Variants in TCERG1L observed in about 807,000 individuals in gnomAD.
The protein encoded by TCERG1L is transcription elongation regulator 1-like protein.
Under a neutral mutation model 56.3 loss-of-function variants are expected in TCERG1L, and 37 were observed. The ratio of observed to expected loss-of-function variants is 0.66; its 90% CI spans 0.51 to 0.87. TCERG1L has a LOEUF of 0.87. Among genes scored for constraint, TCERG1L ranks in the 40% least tolerant of loss-of-function variants. TCERG1L has a pLI of 0.00. For synonymous variants in TCERG1L, 324 were observed against 326.3 expected, an observed-to-expected ratio of 0.99 and a Z score of 0.08; for missense variants, 799 against 774.2, an observed-to-expected ratio of 1.03 and a Z score of -0.38.
At chr10:131,211,716 G>T in intron 4 of TCERG1L, among the ~76,000 whole-genome samples, 1 of 152,284 alleles carries the variant, frequency 6.6e-6, no homozygotes, top group East Asian at 1.9e-4. Context: ...GGAAAGAAGC[G>T]GCTGGGCGGT....
At chr10:131,133,112 T>A (rs1211727583) in intron 8 of TCERG1L, among the ~76,000 whole-genome samples, 1 of 152,182 alleles carries the variant, frequency 6.6e-6, no homozygotes, top group East Asian at 1.9e-4. Flanking sequence ...CATGGCTCCA[T>A]CGGCACCCAG....
intron 4 of TCERG1L, among the ~76,000 whole-genome samples, chr10:131,205,891 G>A (rs1845518441): frequency 6.6e-6 from 1 of 152,210 alleles, no homozygotes; most frequent in Non-Finnish European, 1.5e-5. Context: ...ACAGAGGGCC[G>A]AGGTGGTGAC....
At chr10:131,302,627 A>ATTT (rs559944571) in intron 3 of TCERG1L, among the ~76,000 whole-genome samples, 32 of 135,874 alleles carry the variant, frequency 2.4e-4, no homozygotes, top group Non-Finnish European at 4.1e-4. Context: ...TTTTTTCTCA[A>ATTT]TTTTTTTTTT....
intron 5 of TCERG1L, among the ~76,000 whole-genome samples, chr10:131,165,838 G>A (rs1484589605): frequency 2.0e-5 from 3 of 152,154 alleles, no homozygotes; most frequent in Admixed American, 6.6e-5. Flanking sequence ...TGATAAAAAC[G>A]GCTAATCATG....
chr10:131,213,598 C>T (rs1845639042), intron 4 of TCERG1L, among the ~76,000 whole-genome samples: 1 of 152,216 alleles, frequency 6.6e-6, no homozygotes, highest in South Asian at 2.1e-4. Flanking sequence ...ATGGGGACAA[C>T]CCAAGCTATC....
At chr10:131,199,496 C>T (rs1054835966) in intron 4 of TCERG1L, among the ~76,000 whole-genome samples, 54 of 152,150 alleles carry the variant, frequency 3.5e-4, no homozygotes, top group Non-Finnish European at 1.3e-4. Context: ...CAGTTCTTGG[C>T]CACATTATAA....
Position 131,240,367 on chromosome 10 carries a change from G to A in TCERG1L, c.856+19892C>T, listed in dbSNP as rs560102443. On this transcript the variant is annotated intron_variant, in intron 4 of 11. Transcript: ENST00000368642. The stretch of plus-strand genomic sequence containing the variant: ...CCCGTTCATTCGTTCATGCATGCAT[G>A]TATTGGGTACGCTTTATGGAGCTGA... Among the ~76,000 whole-genome samples the A allele has an allele frequency of 7.9e-5, 12 of 152,140 alleles. No homozygotes were observed. The East Asian group carries it at 1.9e-3, about 25-fold the overall frequency.
rs1311058778 is a variant in TCERG1L at position 131,260,792 on chromosome 10, A to T, written c.671-348T>A. Among the ~76,000 whole-genome samples the T allele has an allele frequency of 6.6e-6, 1 of 152,168 alleles. No individual in the cohort carries two copies. The highest frequency in any genetic ancestry group is 1.5e-5 in the Non-Finnish European group (1 of 68,034). On this transcript the variant is annotated intron_variant, in intron 3 of 11. Transcript: ENST00000368642. The surrounding 1 kb of genome is among the most constrained non-coding windows in gnomAD (Gnocchi z 5.8). ...GTTAAGTACCTAATCAGAAGTGACC[A>T]TGAACAGCACTCAGTGATTTGGAGC...
intron 4 of TCERG1L, among the ~76,000 whole-genome samples, chr10:131,241,174 C>T (rs759841756): frequency 6.7e-5 from 10 of 149,410 alleles, no homozygotes; most frequent in East Asian, 2.0e-4. Context: ...GCCGCCCGCA[C>T]GCAGAATGGG....
At chr10:131,158,309 G>A (rs998022403) in intron 6 of TCERG1L, among the ~76,000 whole-genome samples, 1 of 152,204 alleles carries the variant, frequency 6.6e-6, no homozygotes, top group African/African-American at 2.4e-5. Context: ...AAAAATGCTG[G>A]AGGAGTTTCA....
intron 4 of TCERG1L, among the ~76,000 whole-genome samples, chr10:131,238,999 G>A (rs1435039819): frequency 1.3e-5 from 2 of 152,044 alleles, no homozygotes; most frequent in East Asian, 1.9e-4. Flanking sequence ...CTTAAACTCC[G>A]AGAACATAAA....
At chr10:131,108,445 C>T (rs933622456) in intron 9 of TCERG1L, among the ~76,000 whole-genome samples, 2 of 76,940 alleles carry the variant, frequency 2.6e-5, no homozygotes, top group African/African-American at 4.6e-5. Flanking sequence ...GGGGAATAAA[C>T]GCACTTCAGA....
At chr10:131,245,020 G>A (rs1846015923) in intron 4 of TCERG1L, among the ~76,000 whole-genome samples, 1 of 152,208 alleles carries the variant, frequency 6.6e-6, no homozygotes, top group Admixed American at 6.5e-5. Context: ...GCACAGGGGA[G>A]TGGGGGAGCC....
chr10:131,151,504 G>C (rs943167083), intron 6 of TCERG1L, among the ~76,000 whole-genome samples: 2 of 152,176 alleles, frequency 1.3e-5, no homozygotes, highest in Non-Finnish European at 2.9e-5. Flanking sequence ...TGCAAGAGGC[G>C]TGCTCCCTCA....
chr10:131,248,899 A>G (rs545812404), intron 4 of TCERG1L, among the ~76,000 whole-genome samples: 3 of 152,318 alleles, frequency 2.0e-5, no homozygotes, highest in African/African-American at 7.2e-5. Context: ...GGGGGTGCCC[A>G]GCCCTCCAGG....
chr10:131,303,897 AGTTG>A, intron 3 of TCERG1L, among the ~76,000 whole-genome samples: 1 of 152,170 alleles, frequency 6.6e-6, no homozygotes, highest in East Asian at 1.9e-4. Flanking sequence ...GATAGGCAAA[AGTTG>A]TTTTGCCTAA....
At chr10:131,139,637 T>C (rs1845712479) in intron 7 of TCERG1L, among the ~76,000 whole-genome samples, 1 of 152,186 alleles carries the variant, frequency 6.6e-6, no homozygotes, top group Non-Finnish European at 1.5e-5. Context: ...ATGTTTTAAA[T>C]GTATTGTTTT....
chr10:131,208,975 G>A (rs185320670), intron 4 of TCERG1L, among the ~76,000 whole-genome samples: 273 of 151,416 alleles, frequency 1.8e-3, no homozygotes, highest in African/African-American at 6.4e-3. Flanking sequence ...GGAGAATGGC[G>A]TGAACCCGGG....
intron 4 of TCERG1L, among the ~76,000 whole-genome samples, chr10:131,235,273 A>G (rs572108564): frequency 2.0e-5 from 3 of 152,364 alleles, no homozygotes; most frequent in African/African-American, 7.2e-5. Context: ...TGAAAGACTT[A>G]TATTTCACGT....
Sources: allele counts gnomAD v4.1 joint callset (sites outside exome capture counted in the v4.1 genomes callset), GRCh38; gene constraint gnomAD v4.1.1; non-coding constraint Gnocchi (gnomAD v3.1); transcripts MANE v1.5; gene names NCBI Gene and HGNC (gene_info 2026-07-23, HGNC 2026-07-21).